Variants in PCCA observed in about 807,000 individuals in gnomAD.
The protein encoded by PCCA is propionyl-CoA carboxylase alpha chain, mitochondrial.
PCCA carries 74 observed loss-of-function variants against 101.3 expected under a neutral mutation model. That is an observed-to-expected ratio of 0.73 (90% confidence interval 0.61 to 0.89). The LOEUF (loss-of-function observed/expected upper bound fraction) is 0.89. Ranked by LOEUF, PCCA falls within the 40% of genes least tolerant of loss-of-function variation. The probability of loss-of-function intolerance (pLI) is 0.00; values close to 1 mark genes in which losing one functional copy is unlikely to be tolerated. For synonymous variants in PCCA, 294 were observed against 313.6 expected (o/e 0.94, Z 0.66); for missense variants, 891 against 907.0 (o/e 0.98, Z 0.23).
intron 2 of PCCA, among the ~76,000 whole-genome samples, chr13:100,110,064 C>T (rs187750943): frequency 2.0e-5 from 3 of 152,146 alleles, no homozygotes; most frequent in South Asian, 2.1e-4. Context: ...ACCTGGGAGA[C>T]GGAGGTTACT....
At chr13:100,299,599 G>A (rs143502283) in intron 12 of PCCA, among the ~76,000 whole-genome samples, 56 of 152,244 alleles carry the variant, frequency 3.7e-4, no homozygotes, top group African/African-American at 1.3e-3. Context: ...TACTTATATG[G>A]GCACTGGTCA....
intron 22 of PCCA, among the ~76,000 whole-genome samples, chr13:100,518,030 A>G (rs2086965565): frequency 6.6e-6 from 1 of 151,748 alleles, no homozygotes; most frequent in Non-Finnish European, 1.5e-5. Context: ...TTTCCTCCGC[A>G]CTAACAATAG....
At chr13:100,361,702 A>G (rs534953834) in intron 18 of PCCA, among the ~76,000 whole-genome samples, 83 of 152,310 alleles carry the variant, frequency 5.4e-4, no homozygotes, top group African/African-American at 1.9e-3. Flanking sequence ...CTATGATAAG[A>G]TGCGGTTTCC....
chr13:100,185,014 C>G (rs963052255), intron 6 of PCCA, among the ~76,000 whole-genome samples: 10 of 152,184 alleles, frequency 6.6e-5, no homozygotes, highest in African/African-American at 2.2e-4. Flanking sequence ...GAAAAATGCA[C>G]ATAATGTAAA....
chr13:100,345,515 T>C (rs189902147), intron 18 of PCCA, among the ~76,000 whole-genome samples: 1 of 152,322 alleles, frequency 6.6e-6, no homozygotes, highest in Admixed American at 6.5e-5. Flanking sequence ...CTATCAGAGC[T>C]TAGTTCATGA....
chr13:100,141,479 C>T (rs1381026817), intron 4 of PCCA, among the ~76,000 whole-genome samples: 2 of 152,148 alleles, frequency 1.3e-5, no homozygotes, highest in East Asian at 1.9e-4. Flanking sequence ...GGCGTGATCT[C>T]GGCTCACTGC....
intron 6 of PCCA, among the ~76,000 whole-genome samples, chr13:100,183,225 T>A (rs905703269): frequency 3.9e-5 from 6 of 152,144 alleles, no homozygotes; most frequent in African/African-American, 1.4e-4. Flanking sequence ...AAGAATTTAT[T>A]CCTATCATAA....
intron 12 of PCCA, among the ~76,000 whole-genome samples, chr13:100,280,400 T>C (rs1053992645): frequency 1.3e-5 from 2 of 152,056 alleles, no homozygotes; most frequent in African/African-American, 2.4e-5. Context: ...TTCTTTTTCC[T>C]GAAGGTGCCT....
chr13:100,340,235 C>T lies in PCCA; in HGVS notation c.1619C>T (p.Ala540Val). The stretch of plus-strand genomic sequence containing the variant: ...TTGTTTGTGGCATTCCAGTTAAGAG[C>T]ACAACATTTTCAAGAAAATTCAAGG... ...SSLFVAFQLR[A>V]QHFQENSRMP... The change falls in exon 18 of 24, where the codon GCA becomes GTA. Residue 540 changes from alanine to valine, a missense_variant. Physicochemically the swap from Ala to Val is moderately conservative, Grantham distance 64. Coordinates refer to ENST00000376285, the MANE Select transcript of PCCA (RefSeq NM_000282.4). 2 of 1,599,432 alleles carry T rather than the reference C, an allele frequency of 1.3e-6. No individual in the cohort carries two copies. Among genetic ancestry groups the T allele is most frequent in the Non-Finnish European group, 1.7e-6 (2 of 1,166,744 alleles).
At chr13:100,296,742 G>T (rs1377270551) in intron 12 of PCCA, among the ~76,000 whole-genome samples, 1 of 152,106 alleles carries the variant, frequency 6.6e-6, no homozygotes, top group Non-Finnish European at 1.5e-5. Context: ...TCCTAAATAT[G>T]TCTGTACTTC....
intron 6 of PCCA, among the ~76,000 whole-genome samples, chr13:100,189,933 G>A (rs922760335): frequency 6.6e-6 from 1 of 152,170 alleles, no homozygotes; most frequent in Non-Finnish European, 1.5e-5. Flanking sequence ...TTCTTTGCTA[G>A]GTTGAACAGC....
Position 100,383,266 on chromosome 13 carries a change from A to G in PCCA, c.1746+14692A>G, listed in dbSNP as rs1479126575. Among the ~76,000 whole-genome samples, 4 of 151,350 alleles carry G rather than the reference A, an allele frequency of 2.6e-5. No homozygotes were observed. In the East Asian group the frequency reaches 6.0e-4, roughly 23 times the overall value. ...CTTGGCCTCTCAAAGTGCTGGGATT[A>G]CAGGCATGAGCCACCGTGCCCAGCC... On this transcript the variant is annotated intron_variant, in intron 19 of 23. Coordinates refer to ENST00000376285, the MANE Select transcript of PCCA (RefSeq NM_000282.4).
chr13:100,402,110 T>C (rs1482660752), intron 19 of PCCA, among the ~76,000 whole-genome samples: 1 of 152,236 alleles, frequency 6.6e-6, no homozygotes, highest in Non-Finnish European at 1.5e-5. Flanking sequence ...CTGGAATAAC[T>C]GTAATCTGCT....
At chr13:100,382,046 C>G (rs138787312) in intron 19 of PCCA, among the ~76,000 whole-genome samples, 64 of 152,270 alleles carry the variant, frequency 4.2e-4, no homozygotes, top group Admixed American at 1.9e-3. Context: ...CTCAGTTGGC[C>G]TGCTGCTGCC....
intron 4 of PCCA, among the ~76,000 whole-genome samples, chr13:100,116,074 A>G (rs889263196): frequency 1.3e-5 from 2 of 152,178 alleles, no homozygotes; most frequent in East Asian, 1.9e-4. Context: ...GAAAAGGTGA[A>G]TTCCTGTAAC....
intron 6 of PCCA, among the ~76,000 whole-genome samples, chr13:100,178,621 C>A (rs962527313): frequency 6.6e-6 from 1 of 152,134 alleles, no homozygotes; most frequent in Admixed American, 6.5e-5. Flanking sequence ...GTTCAGGCAG[C>A]ATTTCCTCTG....
chr13:100,376,298 G>A (rs1307036979), intron 19 of PCCA, among the ~76,000 whole-genome samples: 1 of 152,342 alleles, frequency 6.6e-6, no homozygotes, highest in African/African-American at 2.4e-5. Context: ...CCTGCGGGGG[G>A]GTGTCTCCCA....
At chr13:100,156,987 C>A (rs766185611) in intron 5 of PCCA, among the ~76,000 whole-genome samples, 2 of 152,126 alleles carry the variant, frequency 1.3e-5, no homozygotes, top group Non-Finnish European at 2.9e-5. Context: ...AGACAAATGC[C>A]AGTGGGCAGG....
chr13:100,515,301 CATTTGAATTTAAGGCTCTTACTGTA>C, intron 21 of PCCA, 101 bp from the exon 22 acceptor site: 1 of 815,508 alleles, frequency 1.2e-6, no homozygotes. Flanking sequence ...AATTGAGAAC[CATTTGAATTTAAGGCTCTTACTGTA>C]ATTTGAATTT....
Sources: allele counts gnomAD v4.1 joint callset (sites outside exome capture counted in the v4.1 genomes callset), GRCh38; gene constraint gnomAD v4.1.1; transcripts MANE v1.5; gene names NCBI Gene and HGNC (gene_info 2026-07-23, HGNC 2026-07-21).